Variants in CBY1 observed in about 807,000 individuals in gnomAD.
The protein encoded by CBY1 is chibby 1, beta catenin antagonist.
CBY1 carries 10 observed loss-of-function variants against 15.6 expected under a neutral mutation model. The ratio of observed to expected loss-of-function variants is 0.64; its 90% CI spans 0.40 to 1.09. The LOEUF (loss-of-function observed/expected upper bound fraction) is 1.09, where lower values mean the gene tolerates loss of function less well. Among genes scored for constraint, CBY1 ranks in the 50% least tolerant of loss-of-function variants. CBY1 has a pLI of 0.01. For synonymous variants in CBY1, 61 were observed against 63.5 expected (o/e 0.96, Z 0.19); for missense variants, 150 against 160.5 (o/e 0.93, Z 0.35).
At chr22:38,659,925 T>C (rs1252156570) in intron 1 of CBY1, among the ~76,000 whole-genome samples, 1 of 151,516 alleles carries the variant, frequency 6.6e-6, no homozygotes, top group Non-Finnish European at 1.5e-5. Context: ...ATTGTTTGGA[T>C]TGTTTCTTAT....
At chr22:38,660,548 A>G (rs552359617) in intron 1 of CBY1, among the ~76,000 whole-genome samples, 13 of 152,210 alleles carry the variant, frequency 8.5e-5, no homozygotes, top group Admixed American at 8.5e-4. Context: ...AAGGATAAGT[A>G]TATACATGTG....
rs775394607 is a variant in CBY1 at position 38,671,230 on chromosome 22, T to C, written c.303+42T>C. On this transcript the variant is annotated intron_variant, in intron 4 of 4. Coordinates refer to ENST00000216029, the MANE Select transcript of CBY1 (RefSeq NM_015373.4). ...GGAAGAGAGGCCTAGCTTCTCCTTT[T>C]GGGGAGGCTCCACCTCGAGTCACTT... 13 of 1,413,812 alleles carry C rather than the reference T, an allele frequency of 9.2e-6. No individual in the cohort carries two copies. The African/African-American group carries it at 1.7e-4, about 18-fold the overall frequency. The allele number at this position is 1,413,812 out of a possible 1,614,324, so 87.6% of individuals were successfully genotyped here.
chr22:38,664,870 G>T (rs2092431766), intron 1 of CBY1, among the ~76,000 whole-genome samples: 1 of 151,948 alleles, frequency 6.6e-6, no homozygotes, highest in African/African-American at 2.4e-5. Flanking sequence ...TTGAGACAGG[G>T]TCTTGCTCTG....
chr22:38,668,576 G>C (rs1408238500), intron 2 of CBY1: 1 of 157,788 alleles, frequency 6.3e-6, no homozygotes, highest in South Asian at 1.8e-4. Context: ...TCACCATGTT[G>C]GCCAGGCTGG....
At chr22:38,665,114 G>A (rs1423930832) in intron 1 of CBY1, among the ~76,000 whole-genome samples, 1 of 152,176 alleles carries the variant, frequency 6.6e-6, no homozygotes, top group African/African-American at 2.4e-5. Context: ...AAAGTGCTAG[G>A]ATTACTGGCA....
chr22:38,673,460 T>C lies in CBY1; in HGVS notation c.*224T>C. 1 of 455,326 alleles carries C rather than the reference T, an allele frequency of 2.2e-6. No homozygotes were observed. Among genetic ancestry groups the C allele is most frequent in the East Asian group, 4.1e-5 (1 of 24,242 alleles). 28.2% of individuals were successfully genotyped at this position (455,326 alleles called of 1,614,324 possible). The stretch of plus-strand genomic sequence containing the variant: ...GATGCACTGCCTGCGGGTGCCAGTC[T>C]GAAAACCAGACCGCACAGAGGCCTG... On this transcript the variant is annotated 3_prime_UTR_variant, in exon 5 of 5. Transcript: ENST00000216029.
At chr22:38,658,112 CTCTT>C (rs991943503) in intron 1 of CBY1, among the ~76,000 whole-genome samples, 6 of 151,688 alleles carry the variant, frequency 4.0e-5, no homozygotes, top group African/African-American at 7.3e-5. Flanking sequence ...CCTTCCAGAT[CTCTT>C]TCTTTCTTTT....
At chr22:38,665,609 G>A in intron 1 of CBY1, 1 of 511,616 alleles carries the variant, frequency 2.0e-6, no homozygotes, top group Non-Finnish European at 3.0e-6. Context: ...ATAAATGTCA[G>A]AAACATGACG....
intron 3 of CBY1, 38 bp downstream of exon 3, chr22:38,671,027 G>T: frequency 6.2e-7 from 1 of 1,611,914 alleles, no homozygotes; most frequent in East Asian, 2.2e-5. Flanking sequence ...AAACAAGATT[G>T]TAGGAGGAAA....
At chr22:38,672,469 C>T (rs943580914) in intron 4 of CBY1, among the ~76,000 whole-genome samples, 35 of 151,896 alleles carry the variant, frequency 2.3e-4, no homozygotes, top group African/African-American at 8.2e-4. Flanking sequence ...GCACCCGCCA[C>T]CACGCTTGGC....
intron 1 of CBY1, among the ~76,000 whole-genome samples, chr22:38,658,575 C>T (rs1016198028): frequency 2.6e-5 from 4 of 151,998 alleles, no homozygotes; most frequent in African/African-American, 7.3e-5. Context: ...ATTGTCCTGC[C>T]TCAGCCTTCT....
intron 1 of CBY1, among the ~76,000 whole-genome samples, chr22:38,666,231 A>ATG (rs1176072342): frequency 7.8e-6 from 1 of 127,648 alleles, no homozygotes; most frequent in African/African-American, 2.8e-5. Flanking sequence ...ATATATATAT[A>ATG]TATTTTTTTT....
In CBY1 at chr22:38,660,697, A is replaced by G. The variant is rs568142349; in HGVS notation, c.-39+3947A>G. On this transcript the variant is annotated intron_variant, in intron 1 of 4. Transcript: ENST00000216029. ...CTGATCATGGCTATGCACCTTGGGA[A>G]AATTGGGAAACTACCCCAAACCCTA... Among the ~76,000 whole-genome samples, 3 of 152,110 alleles carry G rather than the reference A, an allele frequency of 2.0e-5. No individual in the cohort carries two copies. In the East Asian group the frequency reaches 5.8e-4, roughly 29 times the overall value.
At chr22:38,663,699 A>G (rs1156373851) in intron 1 of CBY1, among the ~76,000 whole-genome samples, 1 of 73,472 alleles carries the variant, frequency 1.4e-5, no homozygotes, top group African/African-American at 4.9e-5. Context: ...TCTGTCTCCA[A>G]AAAAAAAAAA....
intron 1 of CBY1, among the ~76,000 whole-genome samples, chr22:38,660,862 G>A (rs1411191300): frequency 6.6e-6 from 1 of 151,846 alleles, no homozygotes; most frequent in Admixed American, 6.6e-5. Flanking sequence ...TCAGTCTCCA[G>A]AACTTTATTC....
Position 38,671,082 on chromosome 22 carries a change from G to A in CBY1, c.197G>A (p.Ser66Asn), listed in dbSNP as rs1247114414. 6.2e-7 allele frequency: 1 copy of A among 1,614,058 alleles called. No individual in the cohort carries two copies. Among genetic ancestry groups the A allele is most frequent in the South Asian group, 1.1e-5 (1 of 91,090 alleles). The change falls in exon 4 of 5, where the codon AGT becomes AAT. Residue 66 changes from serine (S) to asparagine (N), a missense_variant. Physicochemically the swap from Ser to Asn is conservative, Grantham distance 46 (BLOSUM62 1). Coordinates refer to ENST00000216029, the MANE Select transcript of CBY1 (RefSeq NM_015373.4). ...GTCCTTCCTCCAGAGACAGGGGTTA[G>A]TGGCGGTGTGGACCGGAGGGAGGTT... is the stretch of plus-strand genomic sequence containing the variant. ...NGQWIAETGVSGGVDRREVQR... is the reference protein window; with the variant it reads ...NGQWIAETGVNGGVDRREVQR...
chr22:38,659,658 C>T (rs1041211599), intron 1 of CBY1, among the ~76,000 whole-genome samples: 4 of 151,892 alleles, frequency 2.6e-5, no homozygotes, highest in Non-Finnish European at 5.9e-5. Flanking sequence ...GTCAGGAGAT[C>T]GAGACCATCC....
chr22:38,666,384 TAA>T (rs1569255067), intron 1 of CBY1: 1 of 151,992 alleles, frequency 6.6e-6, no homozygotes, highest in Non-Finnish European at 1.5e-5. Flanking sequence ...CCAGCCTAAA[TAA>T]AAAGTTTGCT....
rs751583726 is a variant in CBY1 at position 38,670,901 on chromosome 22, G to T, written c.96G>T (p.Arg32=). 13 of 1,614,042 alleles carry T rather than the reference G, an allele frequency of 8.1e-6. No individual in the cohort carries two copies. The Admixed American group carries it at 2.2e-4, about 27-fold the overall frequency. Residue 32 remains arginine (R), a synonymous_variant, in exon 3 of 5, where the codon CGG becomes CGT. Transcript: ENST00000216029. ...SNLHSLDRST[R]EVELGLEYGS... ...GCCCACAGTTGGATCGATCAACCCG[G>T]GAGGTGGAGCTGGGCTTGGAATACG... is the stretch of plus-strand genomic sequence containing the variant.
Sources: allele counts gnomAD v4.1 joint callset (sites outside exome capture counted in the v4.1 genomes callset), GRCh38; gene constraint gnomAD v4.1.1; transcripts MANE v1.5; gene names NCBI Gene and HGNC (gene_info 2026-07-23, HGNC 2026-07-21).